Variants in UNC5C observed in about 807,000 individuals in gnomAD.
The protein encoded by UNC5C is unc-5 netrin receptor C.
Under a neutral mutation model 99.8 loss-of-function variants are expected in UNC5C, and 47 were observed. The observed-to-expected ratio is 0.47, with a 90% CI of 0.37 to 0.60. UNC5C has a LOEUF of 0.60. Ranked by LOEUF, UNC5C falls within the 20% of genes least tolerant of loss-of-function variation. The pLI, the probability that UNC5C is intolerant of heterozygous loss-of-function variation, is 0.00. For synonymous variants in UNC5C, 487 were observed against 452.2 expected (o/e 1.08, Z -0.98); for missense variants, 1,062 against 1,165.9 (o/e 0.91, Z 1.30).
rs751923896 is a variant in UNC5C, at chr4:95,182,903, C to G, written c.2445G>C (p.Val815=). The G allele has an allele frequency of 6.2e-7, 1 of 1,611,760 alleles. No individual in the cohort carries two copies. Among genetic ancestry groups the G allele is most frequent in the African/African-American group, 1.3e-5 (1 of 74,882 alleles). ...EGQIFQLNCT[V]SEEPTGIDLP... ...ACAGACAGGAGCCACTTACCTCTGACACGGTGCAGTTGAGCTGGAAGATCT... is the reference window on the plus strand; with the variant it reads ...ACAGACAGGAGCCACTTACCTCTGAGACGGTGCAGTTGAGCTGGAAGATCT... The change falls in exon 14 of 16, where the codon GTG becomes GTC. Residue 815 remains valine, a synonymous_variant. Coordinates refer to ENST00000453304, the MANE Select transcript of UNC5C (RefSeq NM_003728.4).
intron 3 of UNC5C, among the ~76,000 whole-genome samples, chr4:95,300,188 C>A (rs1354307812): frequency 6.6e-6 from 1 of 152,124 alleles, no homozygotes; most frequent in Non-Finnish European, 1.5e-5. Flanking sequence ...CAATATGAAA[C>A]CTTGAGACAG....
chr4:95,326,801 GA>G (rs1048332576), intron 2 of UNC5C, among the ~76,000 whole-genome samples: 5 of 152,082 alleles, frequency 3.3e-5, no homozygotes, highest in African/African-American at 1.2e-4. Flanking sequence ...ATGAGTTGGA[GA>G]ATAAATTTTT....
At chr4:95,487,474 T>C (rs577194163) in intron 1 of UNC5C, among the ~76,000 whole-genome samples, 1 of 151,622 alleles carries the variant, frequency 6.6e-6, no homozygotes, top group African/African-American at 2.4e-5. Context: ...TGGTATACTT[T>C]TTAATACTCA....
At chr4:95,517,239 T>A (rs1250816866) in intron 1 of UNC5C, among the ~76,000 whole-genome samples, 1 of 152,138 alleles carries the variant, frequency 6.6e-6, no homozygotes, top group Non-Finnish European at 1.5e-5. Context: ...ACTCAGAAAA[T>A]CCCTGCTTCC....
At chr4:95,191,148 G>C (rs561159233) in intron 12 of UNC5C, among the ~76,000 whole-genome samples, 2 of 152,046 alleles carry the variant, frequency 1.3e-5, no homozygotes, top group African/African-American at 4.8e-5. Flanking sequence ...ATACATCTGC[G>C]AGCCAAGCCA....
chr4:95,328,787 G>A (rs1437058640), intron 2 of UNC5C, among the ~76,000 whole-genome samples: 1 of 151,946 alleles, frequency 6.6e-6, no homozygotes, highest in African/African-American at 2.4e-5. Context: ...ATCTCATAGT[G>A]GTTTTGATTT....
At chr4:95,194,786 A>ATATT (rs1208454650) in intron 12 of UNC5C, among the ~76,000 whole-genome samples, 1 of 152,196 alleles carries the variant, frequency 6.6e-6, no homozygotes, top group Non-Finnish European at 1.5e-5. Context: ...CAGGTTTTGA[A>ATATT]TATTAACCTG....
At chr4:95,416,573 G>A (rs1199237802) in intron 1 of UNC5C, among the ~76,000 whole-genome samples, 3 of 152,170 alleles carry the variant, frequency 2.0e-5, no homozygotes, top group Non-Finnish European at 4.4e-5. Context: ...TGAAAAACAG[G>A]TATTATTTGA....
intron 7 of UNC5C, among the ~76,000 whole-genome samples, chr4:95,221,099 G>A (rs1738453395): frequency 6.6e-6 from 1 of 152,136 alleles, no homozygotes; most frequent in Admixed American, 6.5e-5. Context: ...GAACATGCTT[G>A]CATCTAACTG....
intron 1 of UNC5C, among the ~76,000 whole-genome samples, chr4:95,387,881 A>G (rs181393607): frequency 6.6e-6 from 1 of 152,300 alleles, no homozygotes; most frequent in East Asian, 1.9e-4. Flanking sequence ...TATGGGAATG[A>G]TTTCCAAGCT....
chr4:95,461,617 G>T (rs1009662308), intron 1 of UNC5C, among the ~76,000 whole-genome samples: 3 of 152,116 alleles, frequency 2.0e-5, no homozygotes, highest in Admixed American at 6.5e-5. Context: ...CATTTGAATT[G>T]TTTCTGTTAC....
At chr4:95,369,834 G>C (rs1744692592) in intron 1 of UNC5C, among the ~76,000 whole-genome samples, 1 of 151,732 alleles carries the variant, frequency 6.6e-6, no homozygotes, top group South Asian at 2.1e-4. Flanking sequence ...CGGCATTGCA[G>C]AGGAAGAAAA....
At position 95,180,842 on chromosome 4, in the gene UNC5C, G is replaced by A. The variant is rs568158456; in HGVS notation, c.2451+2055C>T. On this transcript the variant is annotated intron_variant, in intron 14 of 15. Transcript: ENST00000453304. ...ATTGCCATCTTGCCCTGTGACCCTAGGAAGGAGCCCTGTTCAGAAGAAAGA... is the reference window on the plus strand; with the variant it reads ...ATTGCCATCTTGCCCTGTGACCCTAAGAAGGAGCCCTGTTCAGAAGAAAGA... Among the ~76,000 whole-genome samples the A allele has an allele frequency of 6.6e-5, 10 of 152,288 alleles. No homozygotes were observed. In the East Asian group the frequency reaches 1.7e-3, roughly 26 times the overall value.
intron 1 of UNC5C, among the ~76,000 whole-genome samples, chr4:95,501,999 A>C (rs1351988407): frequency 6.6e-6 from 1 of 152,180 alleles, no homozygotes; most frequent in Non-Finnish European, 1.5e-5. Context: ...ATGTTGACAA[A>C]TCAGCCTCTG....
intron 1 of UNC5C, among the ~76,000 whole-genome samples, chr4:95,349,322 G>GGGGT (rs1553965489): frequency 5.0e-5 from 6 of 120,604 alleles, no homozygotes; most frequent in Non-Finnish European, 1.1e-4. Flanking sequence ...AGAGAGAAAG[G>GGGGT]GTGTGTGTGT....
At chr4:95,228,617 A>C (rs1453793373) in intron 7 of UNC5C, among the ~76,000 whole-genome samples, 2 of 152,226 alleles carry the variant, frequency 1.3e-5, no homozygotes, top group Non-Finnish European at 2.9e-5. Context: ...CCCAGCCCTC[A>C]GGCTACACCT....
chr4:95,405,820 C>A (rs1425799046), intron 1 of UNC5C, among the ~76,000 whole-genome samples: 1 of 152,060 alleles, frequency 6.6e-6, no homozygotes, highest in Non-Finnish European at 1.5e-5. Context: ...TTCTCACTGC[C>A]TTTACTATTA....
intron 1 of UNC5C, among the ~76,000 whole-genome samples, chr4:95,533,797 ATT>A (rs1560497154): frequency 6.6e-6 from 1 of 152,146 alleles, no homozygotes; most frequent in Non-Finnish European, 1.5e-5. Flanking sequence ...GCGTGTTTTT[ATT>A]TCAGAAAACA....
At position 95,163,976 on chromosome 4, in the gene UNC5C, T is replaced by C. The variant is rs971567547; in HGVS notation, c.*5258A>G. The C allele has an allele frequency of 2.0e-5, 3 of 152,208 alleles. No homozygotes were observed. The highest frequency in any genetic ancestry group is 4.4e-5 in the Non-Finnish European group (3 of 68,062). The allele number at this position is 152,208 out of a possible 1,614,324, so 9.4% of individuals were successfully genotyped here. ...ATGCCCCCCAACCATGCTAAATAGG[T>C]CTGAGGCACACATTACATTTGGTTG... On this transcript the variant is annotated 3_prime_UTR_variant, in exon 16 of 16. Coordinates refer to ENST00000453304, the MANE Select transcript of UNC5C (RefSeq NM_003728.4).
Sources: gnomAD v4.1 joint callset for allele counts (sites outside exome capture counted in the v4.1 genomes callset) on GRCh38, gnomAD v4.1.1 for gene constraint, MANE v1.5 for transcripts, NCBI Gene and HGNC (gene_info 2026-07-23, HGNC 2026-07-21) for gene names.